XRCC3: variants seen among roughly 807,000 people sequenced by gnomAD.
The protein encoded by XRCC3 is X-ray repair cross complementing 3.
Under a neutral mutation model 29.2 loss-of-function variants are expected in XRCC3, and 34 were observed. The observed-to-expected ratio is 1.16, with a 90% CI of 0.88 to 1.55. XRCC3 has a LOEUF of 1.55. Ranked by LOEUF, XRCC3 falls within the 40% of genes most tolerant of loss-of-function variation. XRCC3 has a pLI of 0.00. For synonymous variants in XRCC3, 223 were observed against 211.3 expected, an observed-to-expected ratio of 1.06 and a Z score of -0.48; for missense variants, 463 against 467.6, an observed-to-expected ratio of 0.99 and a Z score of 0.09.
chr14:103,715,257 T>G (rs534771872), intron 1 of XRCC3, among the ~76,000 whole-genome samples, 167 bp downstream of exon 1: 61 of 152,030 alleles, frequency 4.0e-4, no homozygotes, highest in African/African-American at 1.3e-3. Flanking sequence ...GGGTGAGTGC[T>G]GCAGCCCCAG....
In XRCC3 at chr14:103,711,580, G is replaced by A; in HGVS notation, c.-260-13C>T. On this transcript the variant is annotated splice_polypyrimidine_tract_variant and intron_variant, in intron 2 of 9. Coordinates refer to ENST00000555055, the MANE Select transcript of XRCC3 (RefSeq NM_005432.4). ...CTCCCTGGGGACTCTGGAAAGAGTG[G>A]GAAGGTGAGTCTGGGATTGGCAGGG... 2.2e-6 allele frequency: 1 copy of A among 456,660 alleles called. No homozygotes were observed. Among genetic ancestry groups the A allele is most frequent in the South Asian group, 1.5e-5 (1 of 64,572 alleles). The allele number at this position is 456,660 out of a possible 1,614,324, so 28.3% of individuals were successfully genotyped here.
intron 6 of XRCC3, chr14:103,706,197 T>C (rs2083430160): frequency 2.5e-6 from 1 of 397,754 alleles, no homozygotes; most frequent in Non-Finnish European, 5.0e-6. Flanking sequence ...GTCCTGGGGA[T>C]GACGCTGACC....
intron 6 of XRCC3, 174 bp from the exon 7 acceptor site, chr14:103,703,501 G>T: frequency 1.3e-6 from 1 of 749,458 alleles, no homozygotes; most frequent in Non-Finnish European, 2.2e-6. Context: ...CCCACTGGCA[G>T]CCACCTCCGG....
At chr14:103,703,518 G>C in intron 6 of XRCC3, 191 bp from the exon 7 acceptor site, 1 of 670,662 alleles carries the variant, frequency 1.5e-6, no homozygotes, top group South Asian at 1.7e-5. Context: ...CCGGGGCCAG[G>C]TGACCCCTCA....
chr14:103,705,010 AC>A (rs1163784497), intron 6 of XRCC3: 1 of 152,160 alleles, frequency 6.6e-6, no homozygotes, highest in Non-Finnish European at 1.5e-5. Context: ...TGTCCGCGTA[AC>A]CTTTAATTCT....
intron 6 of XRCC3, 136 bp from the exon 7 acceptor site, chr14:103,703,463 G>A (rs2083313117): frequency 9.3e-7 from 1 of 1,070,346 alleles, no homozygotes; most frequent in African/African-American, 1.6e-5. Flanking sequence ...GCCTGGGGAG[G>A]GAGGAGGCTG....
intron 5 of XRCC3, chr14:103,708,085 A>C: frequency 3.3e-6 from 1 of 302,448 alleles, no homozygotes; most frequent in South Asian, 3.1e-5. Context: ...GCAGGGATGG[A>C]AACCTTGTCC....
At chr14:103,709,660 CTG>C (rs1200144149) in intron 4 of XRCC3, 5 of 152,166 alleles carry the variant, frequency 3.3e-5, no homozygotes, top group African/African-American at 1.2e-4. Flanking sequence ...CCAGAAGGCT[CTG>C]TGGGCCCTGA....
rs2083467452 is a variant in XRCC3, at chr14:103,707,235, T to C, written c.194-20A>G. 2.6e-6 allele frequency: 4 copies of C among 1,548,192 alleles called. No individual in the cohort carries two copies. Among genetic ancestry groups the C allele is most frequent in the Non-Finnish European group, 3.5e-6 (4 of 1,146,546 alleles). ...GCAGTGCTAAAGGGCAGGGATAGTG[T>C]CAGGCCTGACTCTCCTGGGCCTGCG... On this transcript the variant is annotated intron_variant, in intron 5 of 9. Transcript: ENST00000555055.
intron 2 of XRCC3, chr14:103,711,998 G>C: frequency 2.9e-6 from 1 of 346,142 alleles, no homozygotes; most frequent in Non-Finnish European, 5.7e-6. Flanking sequence ...GAAAGGGCGG[G>C]CCGTGGACTT....
rs748230682 is a variant in XRCC3 at position 103,699,532 on chromosome 14, C to G, written c.606G>C (p.Leu202=). ...CCACCAGGCGAGCCATGCCCCGAGA[C>G]AGCAGTACGGGGACCTTCTTATTCA... ...ECVNKKVPVL[L]SRGMARLVVI... Residue 202 remains leucine (L), a synonymous_variant, in exon 8 of 10, where the codon CTG becomes CTC. Transcript: ENST00000555055. The G allele has an allele frequency of 4.3e-6, 7 of 1,613,550 alleles. No individual in the cohort carries two copies. The highest frequency in any genetic ancestry group is 5.1e-6 in the Non-Finnish European group (6 of 1,179,960).
At chr14:103,708,424 T>C (rs1320059636) in intron 5 of XRCC3, 98 bp downstream of exon 5, 2 of 1,564,364 alleles carry the variant, frequency 1.3e-6, no homozygotes, top group Non-Finnish European at 1.7e-6. Context: ...CTGAGGCTGG[T>C]CCCTGGGTGA....
At position 103,699,416 on chromosome 14, in the gene XRCC3, G is replaced by A. The variant is rs861539; in HGVS notation, c.722C>T (p.Thr241Met). The A allele has an allele frequency of 0.34, 549,732 of 1,611,814 alleles. 98,522 individuals carry two copies. The highest frequency in any genetic ancestry group is 0.39 in the Middle Eastern group (2,271 of 5,872). ...RARHLQSLGA[T>M]LRELSSAFQS... ...GAAGGCACTGCTCAGCTCACGCAGC[G>A]TGGCCCCCAGGGACTGCAGATGCCT... Residue 241 changes from threonine (T) to methionine (M), a missense_variant, in exon 8 of 10, where the codon ACG becomes ATG. Coordinates refer to ENST00000555055, the MANE Select transcript of XRCC3 (RefSeq NM_005432.4).
chr14:103,705,447 AG>A (rs2083400260), intron 6 of XRCC3: 1 of 152,382 alleles, frequency 6.6e-6, no homozygotes, highest in Non-Finnish European at 1.5e-5. Context: ...GGGCCCCAGC[AG>A]GCCTGGGAGA....
chr14:103,704,813 A>C (rs1010075719), intron 6 of XRCC3: 2 of 151,758 alleles, frequency 1.3e-5, no homozygotes, highest in Non-Finnish European at 2.9e-5. Context: ...TAATAATAAA[A>C]CTCCAGTTTC....
Position 103,699,159 on chromosome 14 carries a change from C to T in XRCC3, c.795G>A (p.Glu265=), listed in dbSNP as rs2082868837. 1.9e-6 allele frequency: 3 copies of T among 1,569,990 alleles called. No homozygotes were observed. The highest frequency in any genetic ancestry group is 1.7e-6 in the Non-Finnish European group (2 of 1,160,560). The part of the protein sequence containing the change: ...CINQVTEAME[E]QGAAHGPLGF... ...CCAGCGGCCCGTGTGCTGCGCCCTGCTCCTCCATGGCCTCTGTCACCTGGA... is the reference window on the plus strand; with the variant it reads ...CCAGCGGCCCGTGTGCTGCGCCCTGTTCCTCCATGGCCTCTGTCACCTGGA... Residue 265 remains glutamate, a synonymous_variant, in exon 9 of 10, where the codon GAG becomes GAA. Transcript: ENST00000555055.
intron 7 of XRCC3, chr14:103,702,319 C>T (rs1479085529): frequency 6.6e-6 from 1 of 152,376 alleles, no homozygotes; most frequent in Non-Finnish European, 1.5e-5. Context: ...GCTGGGTGCC[C>T]AGCAGGCCTT....
chr14:103,705,962 G>T (rs901021307), intron 6 of XRCC3: 1 of 199,970 alleles, frequency 5.0e-6, no homozygotes, highest in Non-Finnish European at 1.0e-5. Context: ...CTGTCCTCCC[G>T]GCTTCTGGCT....
In XRCC3 at chr14:103,708,675, T is replaced by A. The variant is rs1458269375; in HGVS notation, c.56-16A>T. ...TTCAGTTTGGCTGAAATAACACAGA[T>A]AAATTACAGGAAAATGTCAGACTGT... On this transcript the variant is annotated splice_polypyrimidine_tract_variant and intron_variant, in intron 4 of 9. Transcript: ENST00000555055. The A allele has an allele frequency of 1.2e-6, 2 of 1,613,832 alleles. No individual in the cohort carries two copies. The highest frequency in any genetic ancestry group is 1.7e-6 in the Non-Finnish European group (2 of 1,179,966).
Sources: allele counts gnomAD v4.1 joint callset (sites outside exome capture counted in the v4.1 genomes callset), GRCh38; gene constraint gnomAD v4.1.1; transcripts MANE v1.5; gene names NCBI Gene and HGNC (gene_info 2026-07-23, HGNC 2026-07-21).